DAPK2: variants seen among roughly 807,000 people sequenced by gnomAD.
DAPK2 encodes death-associated protein kinase 2.
Under a neutral mutation model 44.1 loss-of-function variants are expected in DAPK2, and 35 were observed. The ratio of observed to expected loss-of-function variants is 0.79; its 90% CI spans 0.61 to 1.05. DAPK2 has a LOEUF of 1.05. Among genes scored for constraint, DAPK2 ranks in the 50% least tolerant of loss-of-function variants. DAPK2 has a pLI of 0.00. For missense variants in DAPK2, 453 were observed against 483.2 expected, an observed-to-expected ratio of 0.94 and a Z score of 0.59; for synonymous variants, 174 against 182.6, an observed-to-expected ratio of 0.95 and a Z score of 0.38.
chr15:63,989,682 C>T (rs535890076), intron 1 of DAPK2, among the ~76,000 whole-genome samples: 1 of 152,234 alleles, frequency 6.6e-6, no homozygotes, highest in East Asian at 1.9e-4. Context: ...CACATACATA[C>T]ATACACACAC....
At chr15:63,972,223 GC>G (rs1567242138) in intron 2 of DAPK2, among the ~76,000 whole-genome samples, 1 of 152,190 alleles carries the variant, frequency 6.6e-6, no homozygotes, top group Non-Finnish European at 1.5e-5. Context: ...TTATACAGCA[GC>G]CTGAATGAAC....
At chr15:63,972,386 G>T (rs2078236770) in intron 2 of DAPK2, among the ~76,000 whole-genome samples, 1 of 152,244 alleles carries the variant, frequency 6.6e-6, no homozygotes, top group African/African-American at 2.4e-5. Flanking sequence ...TGAATGGACT[G>T]TAAGGGTGGT....
In DAPK2 at chr15:63,939,462, G is replaced by T; in HGVS notation, c.454-101C>A. The T allele has an allele frequency of 8.5e-7, 1 of 1,182,936 alleles. No homozygotes were observed. The highest frequency in any genetic ancestry group is 1.2e-6 in the Non-Finnish European group (1 of 852,756). 73.3% of individuals were successfully genotyped at this position (1,182,936 alleles called of 1,614,324 possible). A position where few individuals can be genotyped will look rare whatever the true frequency, so the allele number is the denominator to read the frequency against. On this transcript the variant is annotated intron_variant, in intron 3 of 10. Transcript: ENST00000261891. This position sits in a 1 kb window ranked among gnomAD's most constrained non-coding sequence, Gnocchi z 4.3. ...GTTCGTGTTTTGGCTTTGGGGTTTG[G>T]GGTGGGACTTGGTGTTCTTTTTAGG...
At chr15:63,933,060 A>G (rs1181414974) in intron 4 of DAPK2, among the ~76,000 whole-genome samples, 1 of 152,186 alleles carries the variant, frequency 6.6e-6, no homozygotes, top group East Asian at 1.9e-4. Flanking sequence ...TAATGTGCAC[A>G]TGAAAGACTT....
At position 63,923,477 on chromosome 15, in the gene DAPK2, G is replaced by T; in HGVS notation, c.858+1339C>A. On this transcript the variant is annotated intron_variant, in intron 8 of 10. Transcript: ENST00000261891. The surrounding 1 kb of genome is among the most constrained non-coding windows in gnomAD (Gnocchi z 4.2). The stretch of plus-strand genomic sequence containing the variant: ...ATGCGTCAGGCCATGGGGAGAACCA[G>T]GGTGGGATGAGCACCTCCTTAGGCC... 1.4e-6 allele frequency: 2 copies of T among 1,438,014 alleles called. No individual in the cohort carries two copies. The highest frequency in any genetic ancestry group is 9.1e-7 in the Non-Finnish European group (1 of 1,096,734). The allele number at this position is 1,438,014 out of a possible 1,614,324, so 89.1% of individuals were successfully genotyped here.
chr15:63,927,077 T>A (rs75898425), intron 6 of DAPK2, among the ~76,000 whole-genome samples: 4,415 of 152,296 alleles, frequency 0.029, 96 homozygotes, highest in African/African-American at 0.064. Flanking sequence ...TTGTGTAGTT[T>A]CCTCATCTGC....
chr15:64,016,903 G>T (rs978186300), intron 1 of DAPK2, among the ~76,000 whole-genome samples: 15 of 149,060 alleles, frequency 1.0e-4, no homozygotes, highest in African/African-American at 3.7e-4. Flanking sequence ...AAGGAAGGAC[G>T]GACATGTAAA....
chr15:64,001,172 C>T lies in DAPK2; in HGVS notation c.93-17418G>A, dbSNP rs373658488. Among the ~76,000 whole-genome samples the T allele has an allele frequency of 3.1e-4, 47 of 150,490 alleles. 1 individual carries two copies. In the South Asian group the frequency reaches 7.4e-3, roughly 24 times the overall value. On this transcript the variant is annotated intron_variant, in intron 1 of 10. Transcript: ENST00000261891. Reference sequence around the variant, plus strand: ...AAGTGCAGGCATGAGCCACTGCACCCGGCCAGAGTCAACACTCTTTAATCA... The same window carrying T: ...AAGTGCAGGCATGAGCCACTGCACCTGGCCAGAGTCAACACTCTTTAATCA...
At chr15:64,006,688 G>A (rs540456855) in intron 1 of DAPK2, among the ~76,000 whole-genome samples, 1 of 152,272 alleles carries the variant, frequency 6.6e-6, no homozygotes, top group East Asian at 1.9e-4. Flanking sequence ...AAAGGAACTT[G>A]CCCACATCAC....
At chr15:63,943,954 G>A (rs1049708049) in intron 3 of DAPK2, among the ~76,000 whole-genome samples, 3 of 152,154 alleles carry the variant, frequency 2.0e-5, no homozygotes, top group African/African-American at 7.2e-5. Flanking sequence ...GGGCAACCTC[G>A]TGCCTGGCTC....
chr15:63,968,067 A>G (rs536669427), intron 3 of DAPK2, among the ~76,000 whole-genome samples: 15 of 152,342 alleles, frequency 9.8e-5, no homozygotes, highest in African/African-American at 3.4e-4. Flanking sequence ...TGTGGATTTT[A>G]TATGGTGGGA....
intron 3 of DAPK2, among the ~76,000 whole-genome samples, chr15:63,943,350 C>G (rs1048535771): frequency 6.6e-6 from 1 of 152,076 alleles, no homozygotes; most frequent in Non-Finnish European, 1.5e-5. Context: ...ATCACCTGAG[C>G]CCAGGAGGTT....
At chr15:63,925,840 A>G (rs2079241731) in intron 7 of DAPK2, 101 bp downstream of exon 8, 1 of 1,465,628 alleles carries the variant, frequency 6.8e-7, no homozygotes, top group Admixed American at 1.8e-5. Flanking sequence ...AACAGTGCAG[A>G]TGACAGCTAT....
At chr15:63,983,026 A>T (rs1028353158) in intron 2 of DAPK2, among the ~76,000 whole-genome samples, 1 of 152,252 alleles carries the variant, frequency 6.6e-6, no homozygotes. Flanking sequence ...AATAGCTATT[A>T]TTATAACAAT....
chr15:64,014,202 C>T (rs1213945371), intron 1 of DAPK2, among the ~76,000 whole-genome samples: 2 of 152,202 alleles, frequency 1.3e-5, no homozygotes, highest in East Asian at 1.9e-4. Context: ...ATACTACCTG[C>T]GGAGGCAGCA....
intron 3 of DAPK2, among the ~76,000 whole-genome samples, chr15:63,951,221 T>C (rs568387327): frequency 4.4e-4 from 67 of 152,222 alleles, no homozygotes; most frequent in African/African-American, 1.5e-3. Context: ...AGGAAGGACA[T>C]ACCATTACTC....
chr15:63,990,198 C>T lies in DAPK2; in HGVS notation c.93-6444G>A, dbSNP rs372826257. Among the ~76,000 whole-genome samples the T allele has an allele frequency of 2.5e-3, 382 of 152,076 alleles. 20 individuals are homozygous for T. In the South Asian group the frequency reaches 0.075, roughly 30 times the overall value. ...GTTGTAATCCCAGCACTCTGGGAGG[C>T]GGGAGGATCACCTGAGGTCAAGAGT... On this transcript the variant is annotated intron_variant, in intron 1 of 10. Transcript: ENST00000261891. This position sits in a 1 kb window ranked among gnomAD's most constrained non-coding sequence, Gnocchi z 4.3.
chr15:63,998,033 G>A (rs1243847996), intron 1 of DAPK2, among the ~76,000 whole-genome samples: 1 of 152,206 alleles, frequency 6.6e-6, no homozygotes, highest in Non-Finnish European at 1.5e-5. Flanking sequence ...TTTCCCACCT[G>A]TGAAATGAAA....
chr15:63,918,024 A>G (rs998207498), intron 8 of DAPK2: 3 of 152,148 alleles, frequency 2.0e-5, no homozygotes, highest in African/African-American at 7.2e-5. Context: ...TGTTTGTTCA[A>G]CGGGACTGGA....
Sources: allele counts gnomAD v4.1 joint callset (sites outside exome capture counted in the v4.1 genomes callset), GRCh38; gene constraint gnomAD v4.1.1; non-coding constraint Gnocchi (gnomAD v3.1); transcripts MANE v1.5; gene names NCBI Gene and HGNC (gene_info 2026-07-23, HGNC 2026-07-21).